The following CARMIL1 variants were observed in gnomAD, a reference collection of about 807,000 sequenced individuals.
The protein encoded by CARMIL1 is F-actin-uncapping protein LRRC16A.
In CARMIL1, 90 loss-of-function variants were observed where a neutral mutation model predicts 177.1. That is an observed-to-expected ratio of 0.51 (90% CI 0.43 to 0.61). CARMIL1 has a LOEUF of 0.61. Among genes scored for constraint, CARMIL1 ranks in the 20% least tolerant of loss-of-function variants. The pLI is 0.00. For missense variants in CARMIL1, 1,380 were observed against 1,667.0 expected, an observed-to-expected ratio of 0.83 and a Z score of 3.00; for synonymous variants, 577 against 606.2, an observed-to-expected ratio of 0.95 and a Z score of 0.71.
chr6:25,442,446 C>G (rs1401885448), intron 5 of CARMIL1, among the ~76,000 whole-genome samples: 1 of 149,358 alleles, frequency 6.7e-6, no homozygotes, highest in East Asian at 2.0e-4. Flanking sequence ...GTCTTTCTGT[C>G]TATTTAACAG....
chr6:25,466,447 T>C (rs1044088439), intron 9 of CARMIL1, among the ~76,000 whole-genome samples: 2 of 152,238 alleles, frequency 1.3e-5, no homozygotes, highest in East Asian at 3.8e-4. Context: ...TGAAATCTGT[T>C]TTCATAAGAT....
chr6:25,375,018 A>C (rs1247877043), intron 2 of CARMIL1, among the ~76,000 whole-genome samples: 1 of 152,170 alleles, frequency 6.6e-6, no homozygotes, highest in Non-Finnish European at 1.5e-5. Flanking sequence ...TCAAGATGCA[A>C]GGTACTGTTC....
intron 2 of CARMIL1, among the ~76,000 whole-genome samples, chr6:25,319,229 C>T (rs1382725846): frequency 6.6e-6 from 1 of 152,168 alleles, no homozygotes; most frequent in Admixed American, 6.5e-5. Flanking sequence ...ATCCTTTGCT[C>T]TGCAGGCCGT....
At chr6:25,446,232 C>T (rs575924124) in intron 5 of CARMIL1, among the ~76,000 whole-genome samples, 5 of 152,216 alleles carry the variant, frequency 3.3e-5, no homozygotes, top group Non-Finnish European at 7.3e-5. Context: ...TGAAGCCTGC[C>T]ATTGACTTCT....
At chr6:25,321,127 C>T (rs1784643412) in intron 2 of CARMIL1, among the ~76,000 whole-genome samples, 1 of 141,430 alleles carries the variant, frequency 7.1e-6, no homozygotes, top group Non-Finnish European at 1.5e-5. Context: ...TAGCTGAGTA[C>T]CTGTCTTTTC....
intron 9 of CARMIL1, 45 bp from the exon 10 acceptor site, chr6:25,471,124 C>T: frequency 7.8e-7 from 1 of 1,281,046 alleles, no homozygotes; most frequent in Non-Finnish European, 1.1e-6. Flanking sequence ...TAAAGTTTTT[C>T]TTCTTTAGAG....
chr6:25,450,043 C>A lies in CARMIL1; in HGVS notation c.469+48C>A, dbSNP rs767560531. The A allele has an allele frequency of 5.5e-6, 8 of 1,457,180 alleles. No homozygotes were observed. The East Asian group carries it at 1.2e-4, about 21-fold the overall frequency. The allele number at this position is 1,457,180 out of a possible 1,614,324, so 90.3% of individuals were successfully genotyped here. A position where few individuals can be genotyped will look rare whatever the true frequency, so the allele number is the denominator to read the frequency against. ...AAATGTGAATAGCTGGATGGATATC[C>A]CCCTGCCAGGAAGTTAAGTCTATTC... On this transcript the variant is annotated intron_variant, in intron 6 of 36. Transcript: ENST00000329474.
chr6:25,515,406 G>T lies in CARMIL1; in HGVS notation c.1633-269G>T, dbSNP rs301380. Among the ~76,000 whole-genome samples, 66,339 of 151,880 alleles carry T rather than the reference G, an allele frequency of 0.44. 14,884 individuals carry two copies. Among genetic ancestry groups the T allele is most frequent in the Middle Eastern group, 0.52 (152 of 294 alleles). ...TCCTATCCTCTGCTTCACGCTGGCA[G>T]TTGTCAGCCTGCATGTCTTTCCCTG... On this transcript the variant is annotated intron_variant, in intron 20 of 36. Transcript: ENST00000329474. This position sits in a 1 kb window ranked among gnomAD's most constrained non-coding sequence, Gnocchi z 5.0.
intron 29 of CARMIL1, among the ~76,000 whole-genome samples, chr6:25,573,401 A>ACCT (rs141588066): frequency 0.15 from 23,384 of 151,768 alleles, 1,893 homozygotes; most frequent in Middle Eastern, 0.21. Context: ...CTGCCTACAC[A>ACCT]CCTGTTTCTA....
At chr6:25,499,890 T>C (rs761421902) in intron 16 of CARMIL1, among the ~76,000 whole-genome samples, 6 of 152,316 alleles carry the variant, frequency 3.9e-5, no homozygotes, top group Middle Eastern at 3.4e-3. Flanking sequence ...GGTGTGCTGT[T>C]GGTTTATTTG....
chr6:25,353,256 A>G (rs1788281891), intron 2 of CARMIL1, among the ~76,000 whole-genome samples: 1 of 152,160 alleles, frequency 6.6e-6, no homozygotes, highest in Non-Finnish European at 1.5e-5. Context: ...CTTGTAATTG[A>G]TTTGTTCTCT....
chr6:25,303,002 T>G (rs1236174228), intron 2 of CARMIL1, among the ~76,000 whole-genome samples: 2 of 152,214 alleles, frequency 1.3e-5, no homozygotes, highest in Non-Finnish European at 2.9e-5. Context: ...CTCTCTTGTT[T>G]CCTTTTCTGC....
intron 11 of CARMIL1, among the ~76,000 whole-genome samples, chr6:25,477,106 AAAAC>A (rs1447918319): frequency 6.6e-6 from 1 of 151,612 alleles, no homozygotes; most frequent in African/African-American, 2.4e-5. Flanking sequence ...AAAAAAACAA[AAAAC>A]AAACAACAAC....
At chr6:25,581,132 G>T in intron 30 of CARMIL1, 111 bp from the exon 31 acceptor site, 1 of 1,279,610 alleles carries the variant, frequency 7.8e-7, no homozygotes, top group Non-Finnish European at 1.1e-6. Flanking sequence ...GTGAATGTGT[G>T]TTTGCTATTC....
At chr6:25,293,188 A>AT (rs1167674761) in intron 2 of CARMIL1, among the ~76,000 whole-genome samples, 2 of 144,866 alleles carry the variant, frequency 1.4e-5, no homozygotes, top group Non-Finnish European at 3.0e-5. Flanking sequence ...TGTTTTATTT[A>AT]TTTTTTTCCC....
At chr6:25,485,578 G>C (rs1258270211) in intron 12 of CARMIL1, among the ~76,000 whole-genome samples, 1 of 152,096 alleles carries the variant, frequency 6.6e-6, no homozygotes, top group Non-Finnish European at 1.5e-5. Flanking sequence ...GGGATTACAG[G>C]CATGTGCCAC....
chr6:25,377,827 C>T (rs866315546), intron 2 of CARMIL1, among the ~76,000 whole-genome samples: 6 of 152,134 alleles, frequency 3.9e-5, no homozygotes, highest in Admixed American at 1.3e-4. Flanking sequence ...TGTCAGTTGG[C>T]CTCCAACCAG....
intron 36 of CARMIL1, among the ~76,000 whole-genome samples, chr6:25,612,129 T>G (rs576333173): frequency 6.6e-6 from 1 of 152,372 alleles, no homozygotes; most frequent in Non-Finnish European, 1.5e-5. Context: ...GACATCATCC[T>G]GGTGTTATCA....
At chr6:25,367,004 A>G (rs1789891207) in intron 2 of CARMIL1, among the ~76,000 whole-genome samples, 1 of 152,176 alleles carries the variant, frequency 6.6e-6, no homozygotes, top group Admixed American at 6.5e-5. Flanking sequence ...TGTTTGCATA[A>G]CCACCTGTGC....
Sources: allele counts gnomAD v4.1 joint callset (sites outside exome capture counted in the v4.1 genomes callset), GRCh38; gene constraint gnomAD v4.1.1; non-coding constraint Gnocchi (gnomAD v3.1); transcripts MANE v1.5; gene names NCBI Gene and HGNC (gene_info 2026-07-23, HGNC 2026-07-21).